Variants in CNTNAP2 observed in about 807,000 individuals in gnomAD.
The protein encoded by CNTNAP2 is contactin-associated protein-like 2.
In CNTNAP2, 98 loss-of-function variants were observed where a neutral mutation model predicts 155.2. The ratio of observed to expected loss-of-function variants is 0.63; its 90% CI spans 0.54 to 0.75. The LOEUF is 0.75. Among genes scored for constraint, CNTNAP2 ranks in the 30% least tolerant of loss-of-function variants. CNTNAP2 has a pLI of 0.00. For synonymous variants in CNTNAP2, 651 were observed against 631.2 expected (o/e 1.03, Z -0.47); for missense variants, 1,727 against 1,688.1 (o/e 1.02, Z -0.40).
chr7:146,845,256 T>TA (rs1803819075), intron 3 of CNTNAP2, among the ~76,000 whole-genome samples: 1 of 152,204 alleles, frequency 6.6e-6, no homozygotes, highest in African/African-American at 2.4e-5. Context: ...ATTTATAAAA[T>TA]AAAAGTTCTC....
chr7:148,278,462 C>G (rs537453821), intron 21 of CNTNAP2, among the ~76,000 whole-genome samples: 5 of 150,900 alleles, frequency 3.3e-5, no homozygotes, highest in African/African-American at 1.2e-4. Context: ...CCCAGCTACT[C>G]GGGAGGCTGA....
At chr7:147,907,923 C>T (rs11761543) in intron 14 of CNTNAP2, among the ~76,000 whole-genome samples, 32,358 of 151,526 alleles carry the variant, frequency 0.21, 3,683 homozygotes, top group Middle Eastern at 0.29. Context: ...GCACGCATCA[C>T]CATGCCTAGC....
At chr7:147,219,275 G>A (rs1292759487) in intron 8 of CNTNAP2, among the ~76,000 whole-genome samples, 1 of 152,154 alleles carries the variant, frequency 6.6e-6, no homozygotes, top group Non-Finnish European at 1.5e-5. Flanking sequence ...ATCACAAGGT[G>A]AGGTCCCACA....
chr7:147,948,708 T>C (rs1800865594), intron 14 of CNTNAP2, among the ~76,000 whole-genome samples: 1 of 150,804 alleles, frequency 6.6e-6, no homozygotes, highest in South Asian at 2.1e-4. Flanking sequence ...CCTTGGACAA[T>C]GCAGGGGTTA....
At chr7:147,222,170 T>G (rs984286795) in intron 8 of CNTNAP2, among the ~76,000 whole-genome samples, 3 of 152,210 alleles carry the variant, frequency 2.0e-5, no homozygotes, top group African/African-American at 7.2e-5. Context: ...CATTCTTGTT[T>G]GAAATATTTA....
intron 1 of CNTNAP2, among the ~76,000 whole-genome samples, chr7:146,610,650 C>T (rs1374963410): frequency 2.0e-5 from 3 of 152,096 alleles, no homozygotes; most frequent in Admixed American, 2.0e-4. Context: ...TTAATAGCTC[C>T]TCCTCTAATA....
intron 17 of CNTNAP2, among the ~76,000 whole-genome samples, chr7:148,154,135 A>C (rs1805357429): frequency 6.6e-6 from 1 of 152,196 alleles, no homozygotes; most frequent in Non-Finnish European, 1.5e-5. Flanking sequence ...CAGTCCAAAA[A>C]GGAGTTGAAA....
chr7:148,344,792 G>A (rs1798293253), intron 21 of CNTNAP2, among the ~76,000 whole-genome samples: 1 of 152,174 alleles, frequency 6.6e-6, no homozygotes, highest in Non-Finnish European at 1.5e-5. Context: ...TTAAATGCAA[G>A]TTATCATTTT....
At chr7:146,224,084 T>C (rs1799251628) in intron 1 of CNTNAP2, among the ~76,000 whole-genome samples, 1 of 152,196 alleles carries the variant, frequency 6.6e-6, no homozygotes, top group Admixed American at 6.5e-5. Flanking sequence ...ATATGGAGTC[T>C]CCACTTTTTT....
chr7:146,522,897 A>G (rs1797635050), intron 1 of CNTNAP2, among the ~76,000 whole-genome samples: 2 of 151,784 alleles, frequency 1.3e-5, no homozygotes, highest in East Asian at 3.9e-4. Flanking sequence ...AATGAGTGAG[A>G]GATACTTGGA....
intron 1 of CNTNAP2, among the ~76,000 whole-genome samples, chr7:146,762,920 C>T (rs1483013681): frequency 2.6e-5 from 4 of 152,162 alleles, no homozygotes; most frequent in Admixed American, 6.5e-5. Context: ...AACTGGGTCC[C>T]TCCCATGACA....
intron 1 of CNTNAP2, among the ~76,000 whole-genome samples, chr7:146,564,686 A>G (rs561181838): frequency 3.6e-4 from 54 of 151,428 alleles, no homozygotes; most frequent in East Asian, 2.3e-3. Context: ...TGAGGAACTC[A>G]TTTTTTGGCT....
At chr7:146,918,992 T>C (rs540752371) in intron 3 of CNTNAP2, among the ~76,000 whole-genome samples, 3 of 152,330 alleles carry the variant, frequency 2.0e-5, no homozygotes, top group Admixed American at 2.0e-4. Context: ...TGCCAGTGCA[T>C]TTTGCAGCTC....
intron 15 of CNTNAP2, among the ~76,000 whole-genome samples, chr7:147,986,036 A>G (rs987303413): frequency 1.5e-4 from 23 of 151,978 alleles, no homozygotes; most frequent in African/African-American, 5.1e-4. Context: ...TTCTTTTTTA[A>G]AGTTTTCATT....
intron 15 of CNTNAP2, among the ~76,000 whole-genome samples, chr7:148,030,098 C>A (rs1235891722): frequency 6.6e-6 from 1 of 152,176 alleles, no homozygotes; most frequent in Non-Finnish European, 1.5e-5. Context: ...AAGTTCTAGT[C>A]TAGTTGTTGT....
chr7:146,509,084 C>G (rs186360765), intron 1 of CNTNAP2, among the ~76,000 whole-genome samples: 1 of 152,314 alleles, frequency 6.6e-6, no homozygotes, highest in African/African-American at 2.4e-5. Flanking sequence ...CACAAGGTCC[C>G]TCATGTGGGA....
chr7:146,836,828 C>T (rs1362263352), intron 2 of CNTNAP2, among the ~76,000 whole-genome samples: 1 of 151,964 alleles, frequency 6.6e-6, no homozygotes, highest in Non-Finnish European at 1.5e-5. Flanking sequence ...CAGCTTTTGT[C>T]TTGAATATTA....
chr7:147,504,204 G>A (rs745322527), intron 11 of CNTNAP2, among the ~76,000 whole-genome samples: 14 of 152,070 alleles, frequency 9.2e-5, no homozygotes, highest in Non-Finnish European at 1.9e-4. Flanking sequence ...GCCCTGTCCT[G>A]TAGCTCCTGA....
intron 4 of CNTNAP2, among the ~76,000 whole-genome samples, chr7:147,046,634 C>A (rs1251220069): frequency 6.6e-6 from 1 of 152,044 alleles, no homozygotes; most frequent in Non-Finnish European, 1.5e-5. Context: ...CACCTTTGGC[C>A]AATAACAACA....
Sources: allele counts gnomAD v4.1 joint callset (sites outside exome capture counted in the v4.1 genomes callset), GRCh38; gene constraint gnomAD v4.1.1; transcripts MANE v1.5; gene names NCBI Gene and HGNC (gene_info 2026-07-23, HGNC 2026-07-21).